UNC13C: variants seen among roughly 807,000 people sequenced by gnomAD.
UNC13C encodes the protein protein unc-13 homolog C.
Under a neutral mutation model 245.4 loss-of-function variants are expected in UNC13C, and 174 were observed. That is an observed-to-expected ratio of 0.71 (90% CI 0.63 to 0.80). The LOEUF (loss-of-function observed/expected upper bound fraction) is 0.80, where lower values mean the gene tolerates loss of function less well. Among genes scored for constraint, UNC13C ranks in the 30% least tolerant of loss-of-function variants. The probability of loss-of-function intolerance (pLI) is 0.00; values close to 1 mark genes in which losing one functional copy is unlikely to be tolerated. For synonymous variants in UNC13C, 992 were observed against 895.1 expected (o/e 1.11, Z -1.93); for missense variants, 2,829 against 2,602.9 (o/e 1.09, Z -1.89).
chr15:54,025,758 C>T (rs1896082681), intron 2 of UNC13C, among the ~76,000 whole-genome samples: 1 of 152,178 alleles, frequency 6.6e-6, no homozygotes, highest in Admixed American at 6.5e-5. Flanking sequence ...TAAGCCAGCA[C>T]TCAAACGATC....
the UNC13C span, among the ~76,000 whole-genome samples, chr15:53,945,095 G>A: frequency 2.0e-5 from 3 of 152,062 alleles, no homozygotes; most frequent in Non-Finnish European, 4.4e-5. Context: ...CTTTGCCCAT[G>A]TGTTAATGGG....
chr15:54,502,669 C>T (rs1201622497), intron 22 of UNC13C, among the ~76,000 whole-genome samples: 1 of 151,994 alleles, frequency 6.6e-6, no homozygotes, highest in Non-Finnish European at 1.5e-5. Flanking sequence ...ACGTACTATT[C>T]TTGGAATTCT....
chr15:53,864,984 C>T, the UNC13C span, among the ~76,000 whole-genome samples: 7 of 152,082 alleles, frequency 4.6e-5, no homozygotes, highest in Non-Finnish European at 1.0e-4. Context: ...AGCCTTGGAC[C>T]AACTACCAAC....
At chr15:54,434,064 T>C (rs1224384666) in intron 19 of UNC13C, among the ~76,000 whole-genome samples, 1 of 152,046 alleles carries the variant, frequency 6.6e-6, no homozygotes, top group East Asian at 1.9e-4. Context: ...TACAAACCAC[T>C]GCTCAATGAA....
At chr15:53,973,110 T>C in the UNC13C span, among the ~76,000 whole-genome samples, 1,705 of 152,224 alleles carry the variant, frequency 0.011, 13 homozygotes, top group South Asian at 0.03. Context: ...TCAGGGAGAT[T>C]ACATAAATAG....
In UNC13C at chr15:54,282,367, G is replaced by A. The variant is rs371863995; in HGVS notation, c.3819-11528G>A. Among the ~76,000 whole-genome samples, 47 of 152,198 alleles carry A rather than the reference G, an allele frequency of 3.1e-4. No homozygotes were observed. The East Asian group carries it at 6.0e-3, about 19-fold the overall frequency. On this transcript the variant is annotated intron_variant, in intron 10 of 32. Transcript: ENST00000260323. Reference sequence around the variant, plus strand: ...CCTTCGCCAGACTTGTAGAAGGGGCGCCCTCTCTACTTGTCCCACTGCGCT... The same window carrying A: ...CCTTCGCCAGACTTGTAGAAGGGGCACCCTCTCTACTTGTCCCACTGCGCT...
chr15:54,250,166 T>C, intron 7 of UNC13C, 59 bp from the exon 8 acceptor site: 2 of 1,517,272 alleles, frequency 1.3e-6, no homozygotes, highest in Non-Finnish European at 1.8e-6. Flanking sequence ...TGTTTTATTT[T>C]GAAACAATTC....
At chr15:53,961,956 T>C in the UNC13C span, among the ~76,000 whole-genome samples, 1 of 152,242 alleles carries the variant, frequency 6.6e-6, no homozygotes, top group African/African-American at 2.4e-5. Context: ...TTATCTTTAA[T>C]GTCTTTCTTC....
chr15:54,297,521 T>TAA (rs59007114), intron 11 of UNC13C, among the ~76,000 whole-genome samples: 3 of 146,536 alleles, frequency 2.0e-5, no homozygotes, highest in East Asian at 2.0e-4. Flanking sequence ...CCTGCCTAAT[T>TAA]AAAAAAAAAA....
intron 2 of UNC13C, among the ~76,000 whole-genome samples, chr15:54,057,297 C>T (rs1019128802): frequency 6.6e-6 from 1 of 150,780 alleles, no homozygotes; most frequent in African/African-American, 2.4e-5. Flanking sequence ...CAAAAAAAGG[C>T]AGGGATTGCA....
intron 2 of UNC13C, among the ~76,000 whole-genome samples, chr15:54,053,149 C>T (rs1408148476): frequency 6.6e-6 from 1 of 152,000 alleles, no homozygotes; most frequent in Admixed American, 6.6e-5. Flanking sequence ...CAGGTGTGCA[C>T]CACTACAGGT....
the UNC13C span, among the ~76,000 whole-genome samples, chr15:53,949,720 C>CA: frequency 6.6e-6 from 1 of 152,098 alleles, no homozygotes; most frequent in East Asian, 1.9e-4. Context: ...GATGGGCTTG[C>CA]AAAAATGCAG....
In UNC13C at chr15:54,014,078, A is replaced by C; in HGVS notation, c.1175A>C (p.Lys392Thr). 1.2e-6 allele frequency: 2 copies of C among 1,613,802 alleles called. No individual in the cohort carries two copies. Among genetic ancestry groups the C allele is most frequent in the Non-Finnish European group, 1.7e-6 (2 of 1,179,840 alleles). The change falls in exon 2 of 33, where the codon AAA becomes ACA. Residue 392 changes from lysine to threonine, a missense_variant. Lys to Thr is a moderately conservative substitution (Grantham distance 78, BLOSUM62 -1). Coordinates refer to ENST00000260323, the MANE Select transcript of UNC13C (RefSeq NM_001080534.3). The part of the protein sequence containing the change: ...ETPQQRDSVL[K>T]KSYKLKGTGI... ...CCTCAACAAAGGGATTCTGTCTTAA[A>C]AAAGTCATATAAACTCAAAGGAACA...
At chr15:54,018,651 C>T (rs988869785) in intron 2 of UNC13C, among the ~76,000 whole-genome samples, 3 of 152,150 alleles carry the variant, frequency 2.0e-5, no homozygotes, top group African/African-American at 7.2e-5. Context: ...ATGATGGTGA[C>T]TCTCTGATCC....
chr15:54,229,630 G>A (rs2035492775), intron 4 of UNC13C, among the ~76,000 whole-genome samples: 1 of 152,124 alleles, frequency 6.6e-6, no homozygotes. Context: ...TTTATGGGGT[G>A]AGTACACTTA....
intron 17 of UNC13C, among the ~76,000 whole-genome samples, chr15:54,361,991 C>T (rs369037335): frequency 7.4e-6 from 1 of 135,154 alleles, no homozygotes; most frequent in Admixed American, 7.9e-5. Flanking sequence ...AAGAAAGATT[C>T]ACATGAACAT....
At chr15:54,570,696 G>A (rs1053766395) in intron 30 of UNC13C, among the ~76,000 whole-genome samples, 16 of 151,978 alleles carry the variant, frequency 1.1e-4, no homozygotes, top group African/African-American at 3.4e-4. Context: ...AATTGTGATG[G>A]GCAAGAGAGA....
intron 24 of UNC13C, among the ~76,000 whole-genome samples, chr15:54,523,850 C>G (rs1254083857): frequency 1.3e-5 from 2 of 152,120 alleles, no homozygotes; most frequent in Non-Finnish European, 2.9e-5. Flanking sequence ...AGTGGAGAGC[C>G]TGAAGAAAGC....
chr15:54,476,668 A>G (rs968833203), intron 19 of UNC13C, among the ~76,000 whole-genome samples: 1 of 151,340 alleles, frequency 6.6e-6, no homozygotes, highest in African/African-American at 2.4e-5. Context: ...ATTGATCTAT[A>G]TCTCTGTTTT....
Sources: gnomAD v4.1 joint callset for allele counts (sites outside exome capture counted in the v4.1 genomes callset) on GRCh38, gnomAD v4.1.1 for gene constraint, MANE v1.5 for transcripts, NCBI Gene and HGNC (gene_info 2026-07-23, HGNC 2026-07-21) for gene names.